Variants in TFRC observed in about 807,000 individuals in gnomAD.
TFRC encodes the protein transferrin receptor protein 1.
A neutral mutation model predicts 85.8 loss-of-function variants in TFRC; 35 were observed. The ratio of observed to expected loss-of-function variants is 0.41; its 90% CI spans 0.31 to 0.54. TFRC has a LOEUF of 0.54. TFRC is among the 20% of genes least tolerant of loss of function. The pLI, the probability that TFRC is intolerant of heterozygous loss-of-function variation, is 0.31. For synonymous variants in TFRC, 362 were observed against 328.6 expected (o/e 1.10, Z -1.10); for missense variants, 828 against 921.5 (o/e 0.90, Z 1.31).
At chr3:196,052,308 T>TTC in intron 18 of TFRC, 124 bp from the exon 19 acceptor site, 1 of 1,177,156 alleles carries the variant, frequency 8.5e-7, no homozygotes, top group Non-Finnish European at 1.2e-6. Context: ...TTTTTTTTTT[T>TTC]TTTTTTTGAC....
chr3:196,055,346 G>T, intron 16 of TFRC, 45 bp from the exon 17 acceptor site: 1 of 1,523,934 alleles, frequency 6.6e-7, no homozygotes, highest in Non-Finnish European at 9.1e-7. Flanking sequence ...AGTTCTAAGA[G>T]CAAGAGCCTC....
chr3:196,072,730 G>A (rs1219279155), intron 4 of TFRC: 1 of 147,230 alleles, frequency 6.8e-6, no homozygotes, highest in Non-Finnish European at 1.5e-5. Context: ...TAGTACCACT[G>A]TAAGTGTAGG....
At chr3:196,062,975 G>C (rs1717410474) in intron 11 of TFRC, 36 bp from the exon 12 acceptor site, 5 of 1,562,958 alleles carry the variant, frequency 3.2e-6, no homozygotes, top group Non-Finnish European at 4.4e-6. Context: ...CCTGAGGAAA[G>C]GTTATACACA....
At chr3:196,081,676 G>C (rs889128748) in intron 1 of TFRC, among the ~76,000 whole-genome samples, 1 of 152,220 alleles carries the variant, frequency 6.6e-6, no homozygotes, top group Non-Finnish European at 1.5e-5. Context: ...GAAGTCCCCG[G>C]GGCTGAGAGC....
chr3:196,052,261 A>T (rs1053588929), intron 18 of TFRC, 77 bp from the exon 19 acceptor site: 1 of 1,426,796 alleles, frequency 7.0e-7, no homozygotes, highest in African/African-American at 1.5e-5. Context: ...TTCAAATGTA[A>T]AATGTCCCAA....
intron 18 of TFRC, 124 bp from the exon 19 acceptor site, chr3:196,052,308 T>TC (rs1716394336): frequency 2.5e-6 from 3 of 1,177,156 alleles, no homozygotes; most frequent in Non-Finnish European, 3.5e-6. Context: ...TTTTTTTTTT[T>TC]TTTTTTTGAC....
At chr3:196,054,989 C>A in intron 17 of TFRC, 91 bp downstream of exon 17, 2 of 1,253,340 alleles carry the variant, frequency 1.6e-6, no homozygotes, top group South Asian at 1.2e-5. Flanking sequence ...TGGCTACAAT[C>A]ACCCTTCCAA....
At position 196,060,239 on chromosome 3, in the gene TFRC, T is replaced by C; in HGVS notation, c.1477A>G (p.Asn493Asp). The change falls in exon 14 of 19, where the codon AAC (asparagine) becomes GAC (aspartate). Residue 493 changes from asparagine (N) to aspartate (D), a missense_variant. Physicochemically the swap from Asn to Asp is conservative, Grantham distance 23 (BLOSUM62 1). Transcript: ENST00000360110. ...AGTGGGCTGGCAGAAACCTTGAAGTTGCTGGTACCTGAAAATAAATTGTTT... is the reference window on the plus strand; with the variant it reads ...AGTGGGCTGGCAGAAACCTTGAAGTCGCTGGTACCTGAAAATAAATTGTTT... ...NLDKAVLGTS[N>D]FKVSASPLLY... 1.2e-6 allele frequency: 2 copies of C among 1,614,028 alleles called. No individual in the cohort carries two copies. Among genetic ancestry groups the C allele is most frequent in the Non-Finnish European group, 1.7e-6 (2 of 1,179,914 alleles).
At chr3:196,076,578 T>C (rs1249473098) in intron 2 of TFRC, among the ~76,000 whole-genome samples, 1 of 152,008 alleles carries the variant, frequency 6.6e-6, no homozygotes, top group Non-Finnish European at 1.5e-5. Context: ...GCCTCCCAAG[T>C]AGCTGGGACT....
chr3:196,063,006 C>T, intron 11 of TFRC, 67 bp from the exon 12 acceptor site: 2 of 1,305,628 alleles, frequency 1.5e-6, no homozygotes, highest in South Asian at 1.2e-5. Context: ...GAAGGTATCC[C>T]ACTTAAGATG....
At chr3:196,067,705 C>A in intron 8 of TFRC, 48 bp from the exon 9 acceptor site, 1 of 1,594,412 alleles carries the variant, frequency 6.3e-7, no homozygotes, top group Non-Finnish European at 8.5e-7. Context: ...TTCCTCAAAA[C>A]TTCTCTGTAA....
intron 1 of TFRC, among the ~76,000 whole-genome samples, chr3:196,079,978 AAT>A (rs1276776807): frequency 1.3e-5 from 2 of 152,200 alleles, no homozygotes. Context: ...AATGAGTAAA[AAT>A]ATTGTCTTTA....
intron 1 of TFRC, among the ~76,000 whole-genome samples, chr3:196,077,492 C>T (rs906226562): frequency 1.3e-5 from 2 of 151,728 alleles, no homozygotes; most frequent in Non-Finnish European, 2.9e-5. Flanking sequence ...TGGCTCACAC[C>T]TGTAATCCTA....
In TFRC at chr3:196,062,786, A is replaced by T. The variant is rs1420286041; in HGVS notation, c.1404+68T>A. On this transcript the variant is annotated intron_variant, in intron 12 of 18. Coordinates refer to ENST00000360110, the MANE Select transcript of TFRC (RefSeq NM_001128148.3). ...GTGGTAAAATCAAACCTATAAAAAC[A>T]TCACTTCTGGACAACAGCCTAAGCC... is the stretch of plus-strand genomic sequence containing the variant. 6 of 1,583,396 alleles carry T rather than the reference A, an allele frequency of 3.8e-6. No individual in the cohort carries two copies. The South Asian group carries it at 5.6e-5, about 15-fold the overall frequency.
intron 13 of TFRC, among the ~76,000 whole-genome samples, chr3:196,061,313 T>G (rs1047948782): frequency 9.8e-5 from 15 of 152,374 alleles, no homozygotes; most frequent in African/African-American, 3.6e-4. Flanking sequence ...GTTTAGTTTC[T>G]TCTCACCTCA....
At chr3:196,071,328 G>T in intron 6 of TFRC, 68 bp downstream of exon 6, 1 of 1,457,160 alleles carries the variant, frequency 6.9e-7, no homozygotes, top group South Asian at 1.2e-5. Flanking sequence ...TAACTCCTAA[G>T]AACAGAAAAG....
intron 1 of TFRC, among the ~76,000 whole-genome samples, chr3:196,078,171 A>T (rs1718866750): frequency 6.6e-6 from 1 of 152,148 alleles, no homozygotes; most frequent in Non-Finnish European, 1.5e-5. Flanking sequence ...TTTCCAGTTA[A>T]TTTGGTTTGA....
Position 196,067,585 on chromosome 3 carries a change from G to A in TFRC, c.973C>T (p.Arg325Trp), listed in dbSNP as rs137978255. The change falls in exon 9 of 19, where the codon CGG becomes TGG. Residue 325 changes from arginine to tryptophan, a missense_variant. Transcript: ENST00000360110. ...SFNHTQFPPS[R>W]SSGLPNIPVQ... ...GGTATATTAGGCAATCCTGATGACC[G>A]AGATGGTGGAAACTGAGTGTGATTG... 5 of 1,614,030 alleles carry A rather than the reference G, an allele frequency of 3.1e-6. No homozygotes were observed. In the African/African-American group the frequency reaches 4.0e-5, roughly 13 times the overall value.
At chr3:196,057,681 AAC>A (rs1304570858) in intron 16 of TFRC, among the ~76,000 whole-genome samples, 1 of 151,906 alleles carries the variant, frequency 6.6e-6, no homozygotes, top group Non-Finnish European at 1.5e-5. Context: ...CTATAATCCA[AAC>A]AGTTTGGAGG....
Sources: gnomAD v4.1 joint callset for allele counts (sites outside exome capture counted in the v4.1 genomes callset) on GRCh38, gnomAD v4.1.1 for gene constraint, MANE v1.5 for transcripts, NCBI Gene and HGNC (gene_info 2026-07-23, HGNC 2026-07-21) for gene names.